CMSS1: variants seen among roughly 807,000 people sequenced by gnomAD.
The protein encoded by CMSS1 is protein CMSS1.
CMSS1 carries 33 observed loss-of-function variants against 43.5 expected under a neutral mutation model. The ratio of observed to expected loss-of-function variants is 0.76; its 90% CI spans 0.57 to 1.01. The LOEUF (loss-of-function observed/expected upper bound fraction) is 1.01, where lower values mean the gene tolerates loss of function less well. Ranked by LOEUF, CMSS1 falls within the 50% of genes least tolerant of loss-of-function variation. The pLI is 0.00. For synonymous variants in CMSS1, 115 were observed against 117.2 expected, an observed-to-expected ratio of 0.98 and a Z score of 0.12; for missense variants, 313 against 326.4, an observed-to-expected ratio of 0.96 and a Z score of 0.32.
At chr3:99,862,448 G>A (rs1421027653) in intron 1 of CMSS1, among the ~76,000 whole-genome samples, 1 of 152,156 alleles carries the variant, frequency 6.6e-6, no homozygotes, top group African/African-American at 2.4e-5. Flanking sequence ...CACATGGTTA[G>A]TCATAATGAT....
At chr3:99,932,631 T>C (rs1288671309) in intron 1 of CMSS1, among the ~76,000 whole-genome samples, 2 of 152,226 alleles carry the variant, frequency 1.3e-5, no homozygotes, top group Non-Finnish European at 2.9e-5. Context: ...GGCTCACACC[T>C]GTAATGCCAA....
At chr3:99,871,632 G>T (rs1247949715) in intron 1 of CMSS1, among the ~76,000 whole-genome samples, 1 of 152,172 alleles carries the variant, frequency 6.6e-6, no homozygotes, top group Non-Finnish European at 1.5e-5. Context: ...TGTTTTGAAG[G>T]CATTGAGTCA....
chr3:100,054,566 G>C (rs2065431964), intron 1 of CMSS1, among the ~76,000 whole-genome samples: 1 of 150,596 alleles, frequency 6.6e-6, no homozygotes, highest in Non-Finnish European at 1.5e-5. Flanking sequence ...TTACCTACCT[G>C]CCCCTGTTGG....
At chr3:99,858,559 T>C (rs1944088132) in intron 1 of CMSS1, among the ~76,000 whole-genome samples, 3 of 152,192 alleles carry the variant, frequency 2.0e-5, no homozygotes, top group South Asian at 2.1e-4. Context: ...AAAAATACTT[T>C]TACAAAATTA....
At chr3:100,135,700 C>A (rs1236992172) in intron 1 of CMSS1, among the ~76,000 whole-genome samples, 1 of 152,048 alleles carries the variant, frequency 6.6e-6, no homozygotes, top group African/African-American at 2.4e-5. Flanking sequence ...CTGGAGCAGT[C>A]AAATTTTTAG....
intron 1 of CMSS1, among the ~76,000 whole-genome samples, chr3:99,891,173 G>C (rs1445706070): frequency 6.6e-6 from 1 of 151,672 alleles, no homozygotes; most frequent in Admixed American, 6.6e-5. Flanking sequence ...CAATGCCATA[G>C]TTCATGGAAA....
intron 1 of CMSS1, among the ~76,000 whole-genome samples, chr3:99,914,243 G>GA: frequency 6.6e-6 from 1 of 152,184 alleles, no homozygotes; most frequent in East Asian, 1.9e-4. Flanking sequence ...TAGGATATAT[G>GA]AAGGAGGAAG....
intron 1 of CMSS1, among the ~76,000 whole-genome samples, chr3:100,118,274 T>C (rs1020937471): frequency 7.9e-5 from 12 of 151,892 alleles, no homozygotes; most frequent in Non-Finnish European, 1.5e-5. Context: ...TAAAAATTGG[T>C]TTTACTATTT....
chr3:99,848,089 A>C, intron 1 of CMSS1: 1 of 1,375,626 alleles, frequency 7.3e-7, no homozygotes, highest in Non-Finnish European at 9.4e-7. Flanking sequence ...GAAAAGATAT[A>C]CAGTAAGTGC....
intron 1 of CMSS1, among the ~76,000 whole-genome samples, chr3:99,988,527 A>AAAAG (rs1553703280): frequency 0.021 from 2,730 of 129,062 alleles, 33 homozygotes; most frequent in Non-Finnish European, 0.028. Flanking sequence ...AAAAAAAAAA[A>AAAAG]AAAGAAAGAA....
intron 1 of CMSS1, among the ~76,000 whole-genome samples, chr3:100,097,973 G>A (rs1217072317): frequency 6.6e-6 from 1 of 152,150 alleles, no homozygotes; most frequent in Non-Finnish European, 1.5e-5. Flanking sequence ...TATCTGACAA[G>A]GTAATAGTGA....
At chr3:99,943,934 G>A (rs1262149317) in intron 1 of CMSS1, among the ~76,000 whole-genome samples, 1 of 152,092 alleles carries the variant, frequency 6.6e-6, no homozygotes, top group Non-Finnish European at 1.5e-5. Context: ...GTTATTGGGA[G>A]GATTAGAGAT....
chr3:99,941,399 G>A (rs998560004), intron 1 of CMSS1, among the ~76,000 whole-genome samples: 2 of 152,198 alleles, frequency 1.3e-5, no homozygotes, highest in Non-Finnish European at 2.9e-5. Flanking sequence ...TCTGCCAAAG[G>A]GCCTTAGTAA....
intron 1 of CMSS1, among the ~76,000 whole-genome samples, chr3:100,014,898 T>TTTTTTTTTTTTC (rs1710290970): frequency 9.1e-6 from 1 of 110,398 alleles, no homozygotes; most frequent in Non-Finnish European, 2.0e-5. Flanking sequence ...TTTCTTTCTT[T>TTTTTTTTTTTTC]TTTTTTTTTT....
At chr3:99,929,702 C>T (rs565548663) in intron 1 of CMSS1, among the ~76,000 whole-genome samples, 1 of 152,282 alleles carries the variant, frequency 6.6e-6, no homozygotes, top group Admixed American at 6.5e-5. Flanking sequence ...TTTAACTTTC[C>T]TATTGAACTT....
At chr3:100,029,382 GTCT>G (rs1307701118) in intron 1 of CMSS1, among the ~76,000 whole-genome samples, 1 of 151,972 alleles carries the variant, frequency 6.6e-6, no homozygotes, top group Non-Finnish European at 1.5e-5. Context: ...CCTAGGCACA[GTCT>G]TCTTAATTGT....
intron 1 of CMSS1, among the ~76,000 whole-genome samples, chr3:99,972,442 C>G (rs1449698496): frequency 6.6e-6 from 1 of 152,186 alleles, no homozygotes; most frequent in African/African-American, 2.4e-5. Context: ...GTCCCCGTCC[C>G]CATTTGAGTA....
chr3:100,067,665 A>G lies in CMSS1; in HGVS notation c.65-79308A>G, dbSNP rs868307137. Among the ~76,000 whole-genome samples the G allele has an allele frequency of 1.8e-4, 28 of 152,220 alleles. 1 individual carries two copies. The highest frequency in any genetic ancestry group is 3.3e-4 in the Admixed American group (5 of 15,278). ...TCTAGATGATTCAATTTTCAGTAGTATACTGGTTTGATAATAAACTGATTA... is the reference window on the plus strand; with the variant it reads ...TCTAGATGATTCAATTTTCAGTAGTGTACTGGTTTGATAATAAACTGATTA... On this transcript the variant is annotated intron_variant, in intron 1 of 9. Transcript: ENST00000421999.
At position 99,942,968 on chromosome 3, in the gene CMSS1, G is replaced by A. The variant is rs1396443579; in HGVS notation, c.64+124925G>A. 3.9e-5 allele frequency among the ~76,000 whole-genome samples: 6 copies of A among 152,270 alleles called. No individual in the cohort carries two copies. The East Asian group carries it at 5.8e-4, about 15-fold the overall frequency. On this transcript the variant is annotated intron_variant, in intron 1 of 9. Transcript: ENST00000421999. ...ACAGAGAAACAGGAGAGTAAACTAT[G>A]TCCCAGGAGCCAAGAGAGAATTATT...
Sources: gnomAD v4.1 joint callset for allele counts (sites outside exome capture counted in the v4.1 genomes callset) on GRCh38, gnomAD v4.1.1 for gene constraint, MANE v1.5 for transcripts, NCBI Gene and HGNC (gene_info 2026-07-23, HGNC 2026-07-21) for gene names.